The following PTPRD variants were observed in gnomAD, a reference collection of about 807,000 sequenced individuals.
PTPRD encodes the protein protein tyrosine phosphatase receptor type D, also known as receptor-type tyrosine-protein phosphatase delta.
PTPRD carries 34 observed loss-of-function variants against 214.5 expected under a neutral mutation model. That is an observed-to-expected ratio of 0.16 (90% CI 0.12 to 0.21). The LOEUF (loss-of-function observed/expected upper bound fraction) is 0.21. Ranked by LOEUF, PTPRD falls within the 10% of genes least tolerant of loss-of-function variation. The pLI is 1.00. For missense variants in PTPRD, 2,545 were observed against 2,398.7 expected, an observed-to-expected ratio of 1.06 and a Z score of -1.27; for synonymous variants, 1,128 against 845.7, an observed-to-expected ratio of 1.33 and a Z score of -5.79.
At chr9:9,914,595 C>A (rs944246912) in intron 5 of PTPRD, among the ~76,000 whole-genome samples, 2 of 152,144 alleles carry the variant, frequency 1.3e-5, no homozygotes, top group Non-Finnish European at 2.9e-5. Context: ...TGAGGGCCTG[C>A]GTTCCGAGTA....
intron 3 of PTPRD, among the ~76,000 whole-genome samples, chr9:10,076,880 A>G (rs1316198507): frequency 6.6e-6 from 1 of 152,186 alleles, no homozygotes; most frequent in Non-Finnish European, 1.5e-5. Context: ...ATTTGAAACC[A>G]AGACCATTGC....
intron 11 of PTPRD, among the ~76,000 whole-genome samples, chr9:8,912,130 A>C (rs1217045107): frequency 6.6e-6 from 1 of 152,208 alleles, no homozygotes; most frequent in African/African-American, 2.4e-5. Context: ...GATTTGGCAG[A>C]TGACCCAGGA....
At position 9,366,337 on chromosome 9, in the gene PTPRD, G is replaced by A. The variant is rs940192340; in HGVS notation, c.-203+31112C>T. Among the ~76,000 whole-genome samples, 13 of 151,552 alleles carry A rather than the reference G, an allele frequency of 8.6e-5. No individual in the cohort carries two copies. In the East Asian group the frequency reaches 1.8e-3, roughly 20 times the overall value. On this transcript the variant is annotated intron_variant, in intron 9 of 45. Transcript: ENST00000381196. ...CCTTTGAAAAGTATTGATTTTGAAA[G>A]CTTTATAAATAAACAGCACTGACCT...
chr9:9,743,123 C>T (rs2098421108), intron 6 of PTPRD, among the ~76,000 whole-genome samples: 1 of 152,144 alleles, frequency 6.6e-6, no homozygotes, highest in African/African-American at 2.4e-5. Flanking sequence ...CATCCCCCTG[C>T]AATGGCTCAT....
intron 11 of PTPRD, among the ~76,000 whole-genome samples, chr9:8,813,139 A>G (rs2096847784): frequency 6.6e-6 from 1 of 152,178 alleles, no homozygotes; most frequent in Admixed American, 6.5e-5. Flanking sequence ...ATGGGGCTCC[A>G]ATGTGTTCAA....
chr9:8,915,388 A>T (rs550422539), intron 11 of PTPRD, among the ~76,000 whole-genome samples: 11 of 152,320 alleles, frequency 7.2e-5, no homozygotes, highest in African/African-American at 2.6e-4. Context: ...TGTGATTTAC[A>T]ACAAGAGGCA....
At chr9:8,472,764 C>A (rs369463249) in intron 30 of PTPRD, among the ~76,000 whole-genome samples, 3 of 152,000 alleles carry the variant, frequency 2.0e-5, no homozygotes, top group East Asian at 1.9e-4. Flanking sequence ...ACTGTTGCTA[C>A]TAGAAAACTT....
intron 35 of PTPRD, among the ~76,000 whole-genome samples, chr9:8,428,349 T>C (rs905168657): frequency 1.3e-5 from 2 of 152,206 alleles, no homozygotes; most frequent in African/African-American, 2.4e-5. Flanking sequence ...CCATTCATCT[T>C]CCTCAATTTC....
At chr9:8,630,277 G>C (rs1404936672) in intron 14 of PTPRD, among the ~76,000 whole-genome samples, 1 of 151,784 alleles carries the variant, frequency 6.6e-6, no homozygotes, top group Non-Finnish European at 1.5e-5. Flanking sequence ...CCGCCAACAT[G>C]ATTTGCAAGA....
intron 10 of PTPRD, among the ~76,000 whole-genome samples, chr9:9,097,769 G>C (rs1010618243): frequency 8.6e-5 from 13 of 152,016 alleles, no homozygotes; most frequent in Non-Finnish European, 1.8e-4. Context: ...TGTTTCTACA[G>C]ATCTTGTGAG....
At chr9:9,085,619 T>A (rs1317413588) in intron 10 of PTPRD, among the ~76,000 whole-genome samples, 1 of 152,030 alleles carries the variant, frequency 6.6e-6, no homozygotes, top group Non-Finnish European at 1.5e-5. Context: ...GCCAAGGACA[T>A]TTTTAAAATG....
rs145343978 is a variant in PTPRD at position 10,454,426 on chromosome 9, A to C, written c.-599-113409T>G. On this transcript the variant is annotated intron_variant, in intron 2 of 45. Transcript: ENST00000381196. ...TTCCTCAGAATACTTTTTTTAAAAA[A>C]CTGAAATTGATTACTTGTACTTTGT... Among the ~76,000 whole-genome samples the C allele has an allele frequency of 2.1e-3, 312 of 151,700 alleles. 1 individual carries two copies. The highest frequency in any genetic ancestry group is 4.6e-3 in the South Asian group (22 of 4,834).
At chr9:9,491,361 G>A (rs1025418909) in intron 8 of PTPRD, among the ~76,000 whole-genome samples, 1 of 151,882 alleles carries the variant, frequency 6.6e-6, no homozygotes, top group South Asian at 2.1e-4. Context: ...GACTTTAATA[G>A]TCAACTCTGA....
chr9:8,594,967 A>C (rs1372082427), intron 14 of PTPRD, among the ~76,000 whole-genome samples: 1 of 145,058 alleles, frequency 6.9e-6, no homozygotes, highest in African/African-American at 2.6e-5. Flanking sequence ...GGTTCACTCC[A>C]TTCTCCTGCC....
At chr9:9,170,722 A>G (rs1006830204) in intron 10 of PTPRD, among the ~76,000 whole-genome samples, 1 of 152,224 alleles carries the variant, frequency 6.6e-6, no homozygotes, top group Non-Finnish European at 1.5e-5. Flanking sequence ...GGAATGCACT[A>G]AATATAATTA....
At chr9:9,754,904 A>G (rs1041949883) in intron 6 of PTPRD, among the ~76,000 whole-genome samples, 1 of 152,028 alleles carries the variant, frequency 6.6e-6, no homozygotes, top group Admixed American at 6.6e-5. Flanking sequence ...AAAATGATGG[A>G]GGAAATTATT....
chr9:10,192,104 C>A (rs929713932), intron 3 of PTPRD, among the ~76,000 whole-genome samples: 2 of 152,098 alleles, frequency 1.3e-5, no homozygotes, highest in African/African-American at 4.8e-5. Flanking sequence ...CATAACTGAA[C>A]CTTTTGTGAA....
chr9:9,275,114 ATATAT>A lies in PTPRD; in HGVS notation c.-202-91756_-202-91752del, dbSNP rs1241404004. ...ATGTTATATATATAATATATTATAT[ATATAT>A]TATATATATTATATATAATATATAT... On this transcript the variant is annotated intron_variant, in intron 9 of 45. Transcript: ENST00000381196. Among the ~76,000 whole-genome samples the A allele has an allele frequency of 8.0e-3, 442 of 55,184 alleles. 7 individuals carry two copies. The highest frequency in any genetic ancestry group is 0.031 in the African/African-American group (428 of 13,618). 36.2% of individuals were successfully genotyped at this position (55,184 alleles called of 152,430 possible). A position where few individuals can be genotyped will look rare whatever the true frequency, so the allele number is the denominator to read the frequency against.
At chr9:9,450,603 TTC>T (rs1234935812) in intron 8 of PTPRD, among the ~76,000 whole-genome samples, 9 of 152,048 alleles carry the variant, frequency 5.9e-5, no homozygotes, top group Non-Finnish European at 1.2e-4. Context: ...GATATGAATA[TTC>T]TGATTCAGTA....
Sources: allele counts gnomAD v4.1 joint callset (sites outside exome capture counted in the v4.1 genomes callset), GRCh38; gene constraint gnomAD v4.1.1; transcripts MANE v1.5; gene names NCBI Gene and HGNC (gene_info 2026-07-23, HGNC 2026-07-21).